The following UPK1B variants were observed in gnomAD, a reference collection of about 807,000 sequenced individuals.
UPK1B encodes uroplakin 1B.
In UPK1B, 28 loss-of-function variants were observed where a neutral mutation model predicts 34.2. The ratio of observed to expected loss-of-function variants is 0.82; its 90% CI spans 0.61 to 1.12. The LOEUF (loss-of-function observed/expected upper bound fraction) is 1.12, where lower values mean the gene tolerates loss of function less well. Ranked by LOEUF, UPK1B falls within the 50% of genes most tolerant of loss-of-function variation. UPK1B has a pLI of 0.00. For missense variants in UPK1B, 325 were observed against 320.9 expected, an observed-to-expected ratio of 1.01 and a Z score of -0.10; for synonymous variants, 81 against 110.4, an observed-to-expected ratio of 0.73 and a Z score of 1.67.
In UPK1B at chr3:119,183,270, TG is replaced by T. The variant is rs1473042399; in HGVS notation, c.-28-3443del. ...ATCTCTCCAAGCTTCCCTTTTTTTT[TG>T]TTTTTTTTTTTTTTGGAGATGGAGT... On this transcript the variant is annotated intron_variant, in intron 1 of 7. Transcript: ENST00000264234. 9.0e-3 allele frequency among the ~76,000 whole-genome samples: 1,294 copies of T among 144,414 alleles called. 13 individuals carry two copies. Among genetic ancestry groups the T allele is most frequent in the Non-Finnish European group, 0.012 (783 of 66,804 alleles). 94.7% of individuals were successfully genotyped at this position (144,414 alleles called of 152,430 possible). A position where few individuals can be genotyped will look rare whatever the true frequency, so the allele number is the denominator to read the frequency against.
intron 7 of UPK1B, among the ~76,000 whole-genome samples, chr3:119,203,340 C>CAAAAAAAA (rs55752613): frequency 1.8e-4 from 11 of 62,024 alleles, no homozygotes; most frequent in East Asian, 5.1e-4. Context: ...AACTCCGTCT[C>CAAAAAAAA]AAAAAAAAAA....
chr3:119,192,975 A>G (rs912818487), intron 5 of UPK1B, among the ~76,000 whole-genome samples: 1 of 112,880 alleles, frequency 8.9e-6, no homozygotes, highest in African/African-American at 3.5e-5. Flanking sequence ...ATCTGCTTTC[A>G]TCCAACTACA....
intron 5 of UPK1B, among the ~76,000 whole-genome samples, chr3:119,193,353 A>T (rs2078052142): frequency 6.6e-6 from 1 of 152,238 alleles, no homozygotes; most frequent in Non-Finnish European, 1.5e-5. Flanking sequence ...AAGATGGTTG[A>T]TTTATCATCA....
intron 7 of UPK1B, among the ~76,000 whole-genome samples, chr3:119,203,665 G>A (rs904387805): frequency 1.3e-5 from 2 of 152,166 alleles, no homozygotes; most frequent in African/African-American, 2.4e-5. Flanking sequence ...GAGGAGTGAG[G>A]AGAAGGGAAC....
At chr3:119,196,982 C>T (rs1398699359) in intron 6 of UPK1B, among the ~76,000 whole-genome samples, 1 of 151,818 alleles carries the variant, frequency 6.6e-6, no homozygotes, top group African/African-American at 2.4e-5. Flanking sequence ...CAACTAACTA[C>T]AGGCATGTAC....
At chr3:119,201,848 A>G (rs1291615243) in intron 7 of UPK1B, among the ~76,000 whole-genome samples, 1 of 152,222 alleles carries the variant, frequency 6.6e-6, no homozygotes, top group Non-Finnish European at 1.5e-5. Context: ...TTGTACCCCC[A>G]GTGCCAAGCA....
intron 3 of UPK1B, among the ~76,000 whole-genome samples, chr3:119,189,305 G>T (rs2078033712): frequency 6.6e-6 from 1 of 152,178 alleles, no homozygotes; most frequent in Admixed American, 6.5e-5. Context: ...AGTAGTGAGG[G>T]CAACAGAGGG....
intron 1 of UPK1B, among the ~76,000 whole-genome samples, chr3:119,176,950 G>A (rs1291858640): frequency 3.9e-5 from 6 of 152,162 alleles, no homozygotes; most frequent in African/African-American, 1.2e-4. Flanking sequence ...CATAAGTTAC[G>A]AGGTTTGTCT....
intron 1 of UPK1B, among the ~76,000 whole-genome samples, chr3:119,179,349 GGA>G (rs2077974536): frequency 5.8e-5 from 2 of 34,554 alleles, no homozygotes; most frequent in African/African-American, 1.8e-4. Flanking sequence ...AGAGAGAGAG[GGA>G]GATATATATA....
At chr3:119,201,521 A>T (rs927728621) in intron 7 of UPK1B, among the ~76,000 whole-genome samples, 2 of 152,116 alleles carry the variant, frequency 1.3e-5, no homozygotes, top group East Asian at 3.9e-4. Flanking sequence ...GCACAGAAAA[A>T]AACCCGGTCG....
chr3:119,181,153 T>A (rs1055120156), intron 1 of UPK1B, among the ~76,000 whole-genome samples: 9 of 152,190 alleles, frequency 5.9e-5, no homozygotes, highest in African/African-American at 1.9e-4. Flanking sequence ...GCTAGCTATG[T>A]GTTTAGGAGG....
At chr3:119,174,305 C>A (rs955531877) in intron 1 of UPK1B, among the ~76,000 whole-genome samples, 3 of 152,182 alleles carry the variant, frequency 2.0e-5, no homozygotes, top group Non-Finnish European at 4.4e-5. Flanking sequence ...TTTGCTCCAC[C>A]ATGATCTGCA....
intron 6 of UPK1B, among the ~76,000 whole-genome samples, chr3:119,196,523 GTTTTTC>G (rs2078068108): frequency 1.4e-5 from 2 of 144,526 alleles, no homozygotes; most frequent in Admixed American, 7.1e-5. Flanking sequence ...ATAGTGAATG[GTTTTTC>G]TTTTTCTTTT....
chr3:119,179,352 G>GATAGATAGATATATAT (rs2077974672), intron 1 of UPK1B, among the ~76,000 whole-genome samples: 2 of 46,890 alleles, frequency 4.3e-5, no homozygotes, highest in African/African-American at 6.1e-5. Context: ...GAGAGAGGGA[G>GATAGATAGATATATAT]ATATATATAT....
intron 1 of UPK1B, 48 bp downstream of exon 1, chr3:119,173,686 C>T (rs6788712): frequency 0.91 from 138,814 of 152,278 alleles, 63,668 homozygotes; most frequent in Non-Finnish European, 0.96. Context: ...GGCTCAAGGG[C>T]TGGGTTGCTC....
chr3:119,179,401 A>G (rs868386810), intron 1 of UPK1B, among the ~76,000 whole-genome samples: 3 of 114,834 alleles, frequency 2.6e-5, no homozygotes, highest in Non-Finnish European at 5.5e-5. Context: ...ATATATATTA[A>G]TTCTAAGGAA....
intron 3 of UPK1B, 22 bp from the exon 4 acceptor site, chr3:119,190,223 A>T: frequency 6.4e-7 from 1 of 1,551,114 alleles, no homozygotes; most frequent in Non-Finnish European, 8.8e-7. Context: ...TAATTCTTTT[A>T]TCTCATTTAT....
chr3:119,173,850 T>G (rs955582381), intron 1 of UPK1B, among the ~76,000 whole-genome samples: 6 of 152,236 alleles, frequency 3.9e-5, no homozygotes, highest in African/African-American at 1.4e-4. Context: ...CTTAATACCC[T>G]TGATATAAGT....
rs1434401645 is a variant in UPK1B, at chr3:119,203,972, A to G, written c.*5A>G. 6.2e-7 allele frequency: 1 copy of G among 1,613,870 alleles called. No individual in the cohort carries two copies. The highest frequency in any genetic ancestry group is 2.2e-5 in the East Asian group (1 of 44,886). ...TGGAGCAGAATTGAATATTAAGCATAAAGTGTTGCCACCATACCTCCTTCC... is the reference window on the plus strand; with the variant it reads ...TGGAGCAGAATTGAATATTAAGCATGAAGTGTTGCCACCATACCTCCTTCC... On this transcript the variant is annotated 3_prime_UTR_variant, in exon 8 of 8. Transcript: ENST00000264234.
Sources: gnomAD v4.1 joint callset for allele counts (sites outside exome capture counted in the v4.1 genomes callset) on GRCh38, gnomAD v4.1.1 for gene constraint, MANE v1.5 for transcripts, NCBI Gene and HGNC (gene_info 2026-07-23, HGNC 2026-07-21) for gene names.